The following CD22 variants were observed in gnomAD, a reference collection of about 807,000 sequenced individuals.
CD22 encodes B-cell receptor CD22.
A neutral mutation model predicts 94.7 loss-of-function variants in CD22; 51 were observed. The observed-to-expected ratio is 0.54, with a 90% CI of 0.43 to 0.68. The LOEUF (loss-of-function observed/expected upper bound fraction) is 0.68. CD22 is among the 30% of genes least tolerant of loss of function. The pLI is 0.00. For synonymous variants in CD22, 424 were observed against 422.5 expected (o/e 1.00, Z -0.04); for missense variants, 931 against 1,060.4 (o/e 0.88, Z 1.69).
Position 35,344,549 on chromosome 19 carries a change from C to T in CD22, c.2036-280C>T, listed in dbSNP as rs991564830. ...AGAGCTGATCACACAGCTATACTGC[C>T]GTGAAGAGCTGCACCCATTTATGCG... On this transcript the variant is annotated intron_variant, in intron 9 of 13. Transcript: ENST00000085219. Among the ~76,000 whole-genome samples the T allele has an allele frequency of 2.0e-5, 3 of 152,206 alleles. No individual in the cohort carries two copies. The South Asian group carries it at 6.2e-4, about 31-fold the overall frequency.
Position 35,345,636 on chromosome 19 carries a change from C to T in CD22, c.2243C>T (p.Ser748Phe), listed in dbSNP as rs780466892. Residue 748 changes from serine (S) to phenylalanine (F), a missense_variant, in exon 12 of 14, where the codon TCC becomes TTC. Transcript: ENST00000085219. ...RRAPLSEGPH[S>F]LGCYNPMMED... ...GCCCCCCTCTCTGAAGGCCCCCACTCCCTGGGATGCTACAATCCAATGATG... is the reference window on the plus strand; with the variant it reads ...GCCCCCCTCTCTGAAGGCCCCCACTTCCTGGGATGCTACAATCCAATGATG... 1 of 1,613,478 alleles carries T rather than the reference C, an allele frequency of 6.2e-7. No individual in the cohort carries two copies. Among genetic ancestry groups the T allele is most frequent in the South Asian group, 1.1e-5 (1 of 91,078 alleles).
chr19:35,344,783 A>C, intron 9 of CD22, 46 bp from the exon 10 acceptor site: 34 of 1,407,590 alleles, frequency 2.4e-5, no homozygotes, highest in Non-Finnish European at 3.2e-5. Flanking sequence ...GCTGCCAGGG[A>C]GAGCTGGCCC....
intron 5 of CD22, 49 bp downstream of exon 5, chr19:35,338,070 T>C: frequency 1.3e-6 from 2 of 1,579,138 alleles, no homozygotes; most frequent in Non-Finnish European, 1.7e-6. Context: ...GTAGCAGGGG[T>C]GGACCCGGAG....
In CD22 at chr19:35,341,330, C is replaced by T; in HGVS notation, c.1508-13C>T. The T allele has an allele frequency of 6.2e-7, 1 of 1,612,210 alleles. No homozygotes were observed. The highest frequency in any genetic ancestry group is 1.7e-4 in the Middle Eastern group (1 of 6,054). The stretch of plus-strand genomic sequence containing the variant: ...GGGAGCGGAGAGGTCAGCTTGGGAC[C>T]CTTGCCCTCCAGATGCCCCCCGAGA... On this transcript the variant is annotated splice_polypyrimidine_tract_variant and intron_variant, in intron 7 of 13. Coordinates refer to ENST00000085219, the MANE Select transcript of CD22 (RefSeq NM_001771.4). This position sits in a 1 kb window ranked among gnomAD's most constrained non-coding sequence, Gnocchi z 4.0.
In CD22 at chr19:35,338,265, A is replaced by C; in HGVS notation, c.1083A>C (p.Pro361=). The change falls in exon 6 of 14, where the codon CCA becomes CCC. Residue 361 remains proline, a synonymous_variant. Coordinates refer to ENST00000085219, the MANE Select transcript of CD22 (RefSeq NM_001771.4). ...GCATGTCACTGGCCAATCCTCTTCC[A>C]ACAAATTACACGTGGTACCACAATG... The part of the protein sequence containing the change: ...FLCMSLANPL[P]TNYTWYHNGK... The C allele has an allele frequency of 1.2e-6, 2 of 1,614,214 alleles. No homozygotes were observed. The highest frequency in any genetic ancestry group is 4.5e-5 in the East Asian group (2 of 44,880).
rs753672867 is a variant in CD22 at position 35,341,561 on chromosome 19, T to G, written c.1726T>G (p.Ser576Ala). 1.2e-6 allele frequency: 2 copies of G among 1,613,868 alleles called. No homozygotes were observed. The highest frequency in any genetic ancestry group is 2.2e-5 in the South Asian group (2 of 91,084). Residue 576 changes from serine (S) to alanine (A), a missense_variant, in exon 8 of 14, where the codon TCC (serine) becomes GCC (alanine). Ser to Ala is a moderately conservative substitution (Grantham distance 99). Transcript: ENST00000085219. This position sits in a 1 kb window ranked among gnomAD's most constrained non-coding sequence, Gnocchi z 4.0. ...AGSYSCWVNNSIGQTASKAWT... is the reference protein window; with the variant it reads ...AGSYSCWVNNAIGQTASKAWT... The stretch of plus-strand genomic sequence containing the variant: ...GAGTTACAGCTGCTGGGTGAACAAC[T>G]CCATAGGACAGACAGCGTCCAAGGC...
chr19:35,341,132 G>A lies in CD22; in HGVS notation c.1501G>A (p.Val501Ile), dbSNP rs2066801533. The A allele has an allele frequency of 6.2e-7, 1 of 1,614,150 alleles. No homozygotes were observed. The highest frequency in any genetic ancestry group is 8.5e-7 in the Non-Finnish European group (1 of 1,180,006). Residue 501 changes from valine (V) to isoleucine (I), a missense_variant, in exon 7 of 14, where the codon GTC becomes ATC. Transcript: ENST00000085219. The surrounding 1 kb of genome is among the most constrained non-coding windows in gnomAD (Gnocchi z 4.0). ...GTGGGCCTCCCCTGTCGCCCTGAAT[G>A]TCCAGTGTGAGTCCCTGGGCTAGGC... Reference protein sequence around the residue: ...CSWASPVALNVQYAPRDVRVR... With the variant: ...CSWASPVALNIQYAPRDVRVR...
At position 35,346,119 on chromosome 19, in the gene CD22, A is replaced by G. The variant is rs766905903; in HGVS notation, c.2328-32A>G. 2.6e-6 allele frequency: 4 copies of G among 1,536,102 alleles called. No individual in the cohort carries two copies. In the East Asian group the frequency reaches 6.7e-5, roughly 26 times the overall value. Reference sequence around the variant, plus strand: ...GAGGAGAGTTCGTGGGAGATGCTTCATGCGTGGTCGTCTATCTGCCCTGTC... The same window carrying G: ...GAGGAGAGTTCGTGGGAGATGCTTCGTGCGTGGTCGTCTATCTGCCCTGTC... On this transcript the variant is annotated intron_variant, in intron 12 of 13. Coordinates refer to ENST00000085219, the MANE Select transcript of CD22 (RefSeq NM_001771.4).
At chr19:35,343,660 T>C (rs973185987) in intron 9 of CD22, among the ~76,000 whole-genome samples, 8 of 151,926 alleles carry the variant, frequency 5.3e-5, no homozygotes, top group African/African-American at 1.7e-4. Context: ...GGTGGGAGGA[T>C]CACTTGAGCC....
At chr19:35,338,143 C>G in intron 5 of CD22, 25 bp from the exon 6 acceptor site, 2 of 1,593,284 alleles carry the variant, frequency 1.3e-6, no homozygotes, top group Non-Finnish European at 1.7e-6. Context: ...CTCACCCCTC[C>G]ACTCGCCTCT....
At position 35,346,925 on chromosome 19, in the gene CD22, T is replaced by C. The variant is rs1278405593; in HGVS notation, c.*228T>C. On this transcript the variant is annotated 3_prime_UTR_variant, in exon 14 of 14. Transcript: ENST00000085219. ...CTCCAAAACTCCTGCCCCTGTTCTCTTCCACTCTCCTTGCTACCCAGAAAT... is the reference window on the plus strand; with the variant it reads ...CTCCAAAACTCCTGCCCCTGTTCTCCTCCACTCTCCTTGCTACCCAGAAAT... 2.0e-6 allele frequency: 1 copy of C among 492,052 alleles called. No individual in the cohort carries two copies. The highest frequency in any genetic ancestry group is 3.6e-6 in the Non-Finnish European group (1 of 279,522). The allele number at this position is 492,052 out of a possible 1,614,324, so 30.5% of individuals were successfully genotyped here.
intron 9 of CD22, among the ~76,000 whole-genome samples, chr19:35,342,829 T>A (rs1424687927): frequency 1.3e-5 from 2 of 151,356 alleles, no homozygotes; most frequent in Non-Finnish European, 2.9e-5. Context: ...ATTTTTTTTT[T>A]AAACGGAGTC....
At chr19:35,345,747 C>A in intron 12 of CD22, 27 bp downstream of exon 12, 1 of 1,474,850 alleles carries the variant, frequency 6.8e-7, no homozygotes, top group Non-Finnish European at 9.5e-7. Flanking sequence ...GAGGGTGACC[C>A]TGCACCCTGG....
In CD22 at chr19:35,341,997, G is replaced by A; in HGVS notation, c.2035+32G>A. ...CCTCTTCCTGCTCTTGTTCTTCTTG[G>A]TGGTGGTCAGTCCTTCCTTCCTTCC... On this transcript the variant is annotated intron_variant, in intron 9 of 13. Coordinates refer to ENST00000085219, the MANE Select transcript of CD22 (RefSeq NM_001771.4). This position sits in a 1 kb window ranked among gnomAD's most constrained non-coding sequence, Gnocchi z 4.0. The A allele has an allele frequency of 4.5e-6, 7 of 1,547,762 alleles. No homozygotes were observed. Among genetic ancestry groups the A allele is most frequent in the Non-Finnish European group, 6.1e-6 (7 of 1,140,548 alleles).
At chr19:35,344,121 G>T (rs529895879) in intron 9 of CD22, among the ~76,000 whole-genome samples, 1 of 152,212 alleles carries the variant, frequency 6.6e-6, no homozygotes, top group African/African-American at 2.4e-5. Context: ...GCTTGAACCC[G>T]GGAGGCAGAG....
Position 35,341,043 on chromosome 19 carries a change from A to G in CD22, c.1412A>G (p.Lys471Arg). 1 of 1,614,226 alleles carries G rather than the reference A, an allele frequency of 6.2e-7. No individual in the cohort carries two copies. The highest frequency in any genetic ancestry group is 8.5e-7 in the Non-Finnish European group (1 of 1,180,030). ...AWEEPSLGVLKIQNVGWDNTT... is the reference protein window; with the variant it reads ...AWEEPSLGVLRIQNVGWDNTT... ...GAGGAGCCATCGCTTGGGGTGCTGA[A>G]GATCCAAAACGTTGGCTGGGACAAC... The change falls in exon 7 of 14, where the codon AAG becomes AGG. Residue 471 changes from lysine to arginine, a missense_variant. By Grantham distance (26) the Lys-to-Arg change is conservative (BLOSUM62 2). Coordinates refer to ENST00000085219, the MANE Select transcript of CD22 (RefSeq NM_001771.4). This position sits in a 1 kb window ranked among gnomAD's most constrained non-coding sequence, Gnocchi z 4.0.
chr19:35,340,777 C>A (rs2066796323), intron 6 of CD22, 104 bp from the exon 7 acceptor site: 5 of 1,259,530 alleles, frequency 4.0e-6, no homozygotes, highest in Non-Finnish European at 5.7e-6. Context: ...AATTTAGGAC[C>A]TGTGCAGATG....
At chr19:35,329,389 G>C in intron 1 of CD22, 159 bp downstream of exon 1, 1 of 416,762 alleles carries the variant, frequency 2.4e-6, no homozygotes, top group Non-Finnish European at 4.8e-6. Flanking sequence ...CCCCTGTCTT[G>C]AGCATCCTCC....
chr19:35,332,010 C>T lies in CD22; in HGVS notation c.-22-9C>T, dbSNP rs769535603. 1 of 1,613,768 alleles carries T rather than the reference C, an allele frequency of 6.2e-7. No individual in the cohort carries two copies. On this transcript the variant is annotated splice_polypyrimidine_tract_variant and intron_variant, in intron 1 of 13. Coordinates refer to ENST00000085219, the MANE Select transcript of CD22 (RefSeq NM_001771.4). The stretch of plus-strand genomic sequence containing the variant: ...CAGATGGCTCAAAGACAAACTCTCC[C>T]CTGCTCAGGCTTGCACCCAGACACG...
Sources: gnomAD v4.1 joint callset for allele counts (sites outside exome capture counted in the v4.1 genomes callset) on GRCh38, gnomAD v4.1.1 for gene constraint, Gnocchi (gnomAD v3.1) non-coding constraint, MANE v1.5 for transcripts, NCBI Gene and HGNC (gene_info 2026-07-23, HGNC 2026-07-21) for gene names.